GOLIM4: variants seen among roughly 807,000 people sequenced by gnomAD.
The protein encoded by GOLIM4 is 130 kDa golgi-localized phosphoprotein.
A neutral mutation model predicts 107.4 loss-of-function variants in GOLIM4; 71 were observed. The observed-to-expected ratio is 0.66, with a 90% confidence interval of 0.55 to 0.81. The LOEUF is 0.81. Ranked by LOEUF, GOLIM4 falls within the 30% of genes least tolerant of loss-of-function variation. The pLI, the probability that GOLIM4 is intolerant of heterozygous loss-of-function variation, is 0.00. For missense variants in GOLIM4, 830 were observed against 826.1 expected, an observed-to-expected ratio of 1.00 and a Z score of -0.06; for synonymous variants, 327 against 294.8, an observed-to-expected ratio of 1.11 and a Z score of -1.12.
Position 168,032,528 on chromosome 3 carries a change from G to A in GOLIM4, c.1168C>T (p.Arg390Cys), listed in dbSNP as rs1179118459. 36 of 1,613,048 alleles carry A rather than the reference G, an allele frequency of 2.2e-5. No individual in the cohort carries two copies. The highest frequency in any genetic ancestry group is 1.6e-4 in the Middle Eastern group (1 of 6,084). Residue 390 changes from arginine (R) to cysteine (C), a missense_variant, in exon 9 of 16, where the codon CGT becomes TGT. Physicochemically the swap from Arg to Cys is radical, Grantham distance 180 (BLOSUM62 -3). Transcript: ENST00000470487. ...EAANLLEGHA[R>C]AEVYPSAKPM... Reference sequence around the variant, plus strand: ...AGCGGGTGACTTCATACCTCAGCACGCGCGTGCCCTTCCAGGAGGTTGGCT... The same window carrying A: ...AGCGGGTGACTTCATACCTCAGCACACGCGTGCCCTTCCAGGAGGTTGGCT...
chr3:168,073,575 G>A (rs959640390), intron 1 of GOLIM4, among the ~76,000 whole-genome samples: 1 of 152,166 alleles, frequency 6.6e-6, no homozygotes, highest in African/African-American at 2.4e-5. Context: ...CCTTACAATC[G>A]CATGGTGGAA....
intron 1 of GOLIM4, among the ~76,000 whole-genome samples, chr3:168,054,018 C>G (rs1719794794): frequency 6.6e-6 from 1 of 152,158 alleles, no homozygotes; most frequent in Non-Finnish European, 1.5e-5. Flanking sequence ...TTGGTTCCTC[C>G]TCTCGTTTCC....
chr3:168,095,275 C>A lies in GOLIM4; in HGVS notation c.11G>T (p.Gly4Val), dbSNP rs761135998. MGN[G>V]MCSRKQKRIF... ...CCGCTTCTGCTTTCGGGAGCACATC[C>A]CGTTTCCCATAGTCCCGCCTGGACC... The change falls in exon 1 of 16, where the codon GGG becomes GTG. Residue 4 changes from glycine (G) to valine (V), a missense_variant. Transcript: ENST00000470487. The A allele has an allele frequency of 9.3e-6, 15 of 1,612,606 alleles. 1 individual carries two copies. The South Asian group carries it at 1.6e-4, about 18-fold the overall frequency.
At position 168,044,231 on chromosome 3, in the gene GOLIM4, G is replaced by T. The variant is rs867123840; in HGVS notation, c.366+597C>A. 5.3e-5 allele frequency among the ~76,000 whole-genome samples: 8 copies of T among 152,304 alleles called. No homozygotes were observed. In the Middle Eastern group the frequency reaches 0.014, roughly 259 times the overall value. ...AAAGACAATAGCAAACAGAAAGCGA[G>T]GGGGAGGCACGGTGGGGTGGAGATG... is the stretch of plus-strand genomic sequence containing the variant. On this transcript the variant is annotated intron_variant, in intron 4 of 15. Coordinates refer to ENST00000470487, the MANE Select transcript of GOLIM4 (RefSeq NM_014498.5).
chr3:168,037,668 T>C (rs879725446), intron 7 of GOLIM4, among the ~76,000 whole-genome samples: 33 of 152,294 alleles, frequency 2.2e-4, no homozygotes, highest in Non-Finnish European at 3.5e-4. Context: ...GTGACAAAGG[T>C]ACTAACACAG....
intron 1 of GOLIM4, among the ~76,000 whole-genome samples, chr3:168,091,836 C>G (rs1376296981): frequency 6.6e-6 from 1 of 152,144 alleles, no homozygotes; most frequent in Non-Finnish European, 1.5e-5. Context: ...GGTTGTAGAA[C>G]TAGAACTGAA....
At chr3:168,093,865 T>A (rs541500518) in intron 1 of GOLIM4, among the ~76,000 whole-genome samples, 3 of 152,220 alleles carry the variant, frequency 2.0e-5, no homozygotes, top group African/African-American at 7.2e-5. Flanking sequence ...TCATTTTCTC[T>A]CATCTTAAAT....
At chr3:168,080,608 T>C (rs1408077734) in intron 1 of GOLIM4, among the ~76,000 whole-genome samples, 1 of 149,880 alleles carries the variant, frequency 6.7e-6, no homozygotes, top group Non-Finnish European at 1.5e-5. Context: ...ATTTCAAACT[T>C]AGGTGCTTCT....
chr3:168,009,861 G>T lies in GOLIM4; in HGVS notation c.*408C>A, dbSNP rs1460643483. The T allele has an allele frequency of 6.4e-6, 1 of 156,630 alleles. No homozygotes were observed. The highest frequency in any genetic ancestry group is 2.4e-5 in the African/African-American group (1 of 41,578). 9.7% of individuals were successfully genotyped at this position (156,630 alleles called of 1,614,324 possible). A position where few individuals can be genotyped will look rare whatever the true frequency, so the allele number is the denominator to read the frequency against. On this transcript the variant is annotated 3_prime_UTR_variant, in exon 16 of 16. Transcript: ENST00000470487. ...AAACAGGCCATTCTCTTTAAAGTCT[G>T]CATGGCATTTTGCAGTACTCTCTGT...
At chr3:168,048,703 C>A (rs7639014) in intron 1 of GOLIM4, among the ~76,000 whole-genome samples, 74,128 of 152,014 alleles carry the variant, frequency 0.49, 19,224 homozygotes, top group African/African-American at 0.62. Flanking sequence ...GCTCAATCTC[C>A]TGACTTTTAA....
At chr3:168,019,378 A>T (rs1046112542) in intron 14 of GOLIM4, among the ~76,000 whole-genome samples, 2 of 152,210 alleles carry the variant, frequency 1.3e-5, no homozygotes, top group African/African-American at 4.8e-5. Context: ...CACAGTATAT[A>T]TATCTAAAAA....
chr3:168,048,737 CCCA>C (rs571614087), intron 1 of GOLIM4, among the ~76,000 whole-genome samples: 378 of 152,092 alleles, frequency 2.5e-3, no homozygotes, highest in Non-Finnish European at 3.5e-3. Context: ...AGCAGTTACC[CCCA>C]CATCTACACT....
At chr3:168,036,511 C>T (rs1195287917) in intron 8 of GOLIM4, among the ~76,000 whole-genome samples, 1 of 152,130 alleles carries the variant, frequency 6.6e-6, no homozygotes, top group Non-Finnish European at 1.5e-5. Flanking sequence ...CACTGCACTC[C>T]AGCCTGGACG....
intron 1 of GOLIM4, among the ~76,000 whole-genome samples, chr3:168,066,346 TTTA>T (rs548514253): frequency 5.9e-4 from 90 of 152,284 alleles, no homozygotes; most frequent in African/African-American, 2.0e-3. Context: ...GTAGCTGATG[TTTA>T]TTATTATATT....
At chr3:168,043,086 C>G (rs769452055) in intron 5 of GOLIM4, among the ~76,000 whole-genome samples, 2 of 152,208 alleles carry the variant, frequency 1.3e-5, no homozygotes, top group East Asian at 3.8e-4. Context: ...CTATCTGTCT[C>G]GCAACCCAGT....
intron 1 of GOLIM4, among the ~76,000 whole-genome samples, chr3:168,058,791 A>G (rs1229910651): frequency 1.3e-5 from 2 of 152,230 alleles, no homozygotes. Flanking sequence ...TCTCAAAGAC[A>G]TGTATAAGTG....
chr3:168,030,036 C>A lies in GOLIM4; in HGVS notation c.1177G>T (p.Val393Leu), dbSNP rs907909475. 6.2e-7 allele frequency: 1 copy of A among 1,613,546 alleles called. No homozygotes were observed. ...ATCATTGGCTTGGCTGAAGGGTACA[C>A]CTAGGGTGAAAAAGAGTTGGTGCAG... is the stretch of plus-strand genomic sequence containing the variant. ...NLLEGHARAE[V>L]YPSAKPMIKF... Residue 393 changes from valine to leucine, a missense_variant and splice_region_variant, in exon 10 of 16, where the codon GTG (valine) becomes TTG (leucine). Val to Leu is a conservative substitution (Grantham distance 32, BLOSUM62 1). Transcript: ENST00000470487.
chr3:168,032,536 C>A lies in GOLIM4; in HGVS notation c.1160G>T (p.Gly387Val), dbSNP rs372987314. 3.4e-5 allele frequency: 55 copies of A among 1,613,888 alleles called. No individual in the cohort carries two copies. The East Asian group carries it at 5.1e-4, about 15-fold the overall frequency. ...EQREAANLLE[G>V]HARAEVYPSA... is the part of the protein sequence containing the mutation. ...ACTTCATACCTCAGCACGCGCGTGC[C>A]CTTCCAGGAGGTTGGCTGCTTCTCG... The change falls in exon 9 of 16, where the codon GGG becomes GTG. Residue 387 changes from glycine to valine, a missense_variant. Physicochemically the swap from Gly to Val is moderately radical, Grantham distance 109. Transcript: ENST00000470487.
At chr3:168,016,963 A>T (rs1365160221) in intron 14 of GOLIM4, among the ~76,000 whole-genome samples, 2 of 148,674 alleles carry the variant, frequency 1.3e-5, no homozygotes, top group Middle Eastern at 3.4e-3. Flanking sequence ...TAGTGGGTGC[A>T]GTGCACCAGC....
Sources: allele counts gnomAD v4.1 joint callset (sites outside exome capture counted in the v4.1 genomes callset), GRCh38; gene constraint gnomAD v4.1.1; transcripts MANE v1.5; gene names NCBI Gene and HGNC (gene_info 2026-07-23, HGNC 2026-07-21).